Variants in DOCK10 observed in about 807,000 individuals in gnomAD.
The protein encoded by DOCK10 is dedicator of cytokinesis 10.
Under a neutral mutation model 280.1 loss-of-function variants are expected in DOCK10, and 145 were observed. That is an observed-to-expected ratio of 0.52 (90% CI 0.45 to 0.59). DOCK10 has a LOEUF of 0.59. DOCK10 is among the 20% of genes least tolerant of loss of function. The pLI is 0.00. For synonymous variants in DOCK10, 915 were observed against 942.2 expected (o/e 0.97, Z 0.53); for missense variants, 2,368 against 2,651.7 (o/e 0.89, Z 2.35).
chr2:224,802,967 A>G (rs374291979), intron 39 of DOCK10, among the ~76,000 whole-genome samples: 3 of 152,130 alleles, frequency 2.0e-5, no homozygotes, highest in African/African-American at 4.8e-5. Flanking sequence ...TTGGCTTTCA[A>G]TAGCCAGGGG....
intron 31 of DOCK10, among the ~76,000 whole-genome samples, chr2:224,810,466 C>A (rs115202642): frequency 0.016 from 2,422 of 151,618 alleles, 40 homozygotes; most frequent in South Asian, 0.037. Context: ...TATTTGAAAT[C>A]TATTTTTTTC....
intron 16 of DOCK10, 60 bp from the exon 17 acceptor site, chr2:224,853,182 A>G: frequency 1.4e-6 from 2 of 1,391,510 alleles, no homozygotes; most frequent in East Asian, 2.3e-5. Flanking sequence ...AGTGAACAAT[A>G]GTTAACATGT....
rs548554185 is a variant in DOCK10 at position 224,895,236 on chromosome 2, A to T, written c.416+1059T>A. Among the ~76,000 whole-genome samples the T allele has an allele frequency of 2.0e-5, 3 of 152,366 alleles. No individual in the cohort carries two copies. In the East Asian group the frequency reaches 5.8e-4, roughly 29 times the overall value. ...TGAGAGCAATGCTTCCAAGTATACA[A>T]GTCTTGAAAAGGTGCTTCTGGGGCC... is the stretch of plus-strand genomic sequence containing the variant. On this transcript the variant is annotated intron_variant, in intron 4 of 55. Coordinates refer to ENST00000258390, the MANE Select transcript of DOCK10 (RefSeq NM_014689.3).
At chr2:224,825,661 C>G (rs1442472922) in intron 27 of DOCK10, among the ~76,000 whole-genome samples, 1 of 152,242 alleles carries the variant, frequency 6.6e-6, no homozygotes, top group African/African-American at 2.4e-5. Flanking sequence ...ACCTTCCTCT[C>G]AAAGTCTCCT....
intron 1 of DOCK10, among the ~76,000 whole-genome samples, chr2:224,990,232 T>G (rs1233648127): frequency 6.6e-6 from 1 of 152,240 alleles, no homozygotes; most frequent in East Asian, 1.9e-4. Context: ...ATTAATAACT[T>G]ACCTTTCTCA....
Position 224,943,636 on chromosome 2 carries a change from C to T in DOCK10, c.124-11968G>A, listed in dbSNP as rs1354923. ...AAGAAGTTATTGCTTTCTTCTTTAACTTTAGGTCTCATCTTTATTTGTTGG... is the reference window on the plus strand; with the variant it reads ...AAGAAGTTATTGCTTTCTTCTTTAATTTTAGGTCTCATCTTTATTTGTTGG... On this transcript the variant is annotated intron_variant, in intron 1 of 55. Transcript: ENST00000258390. Among the ~76,000 whole-genome samples, 73 of 152,076 alleles carry T rather than the reference C, an allele frequency of 4.8e-4. 1 individual carries two copies. Among genetic ancestry groups the T allele is most frequent in the African/African-American group, 1.7e-3 (72 of 41,494 alleles).
Position 224,805,632 on chromosome 2 carries a change from C to T in DOCK10, c.3815-103G>A. 2.0e-6 allele frequency: 3 copies of T among 1,471,984 alleles called. No individual in the cohort carries two copies. Among genetic ancestry groups the T allele is most frequent in the Non-Finnish European group, 2.8e-6 (3 of 1,079,976 alleles). The allele number at this position is 1,471,984 out of a possible 1,614,324, so 91.2% of individuals were successfully genotyped here. A position where few individuals can be genotyped will look rare whatever the true frequency, so the allele number is the denominator to read the frequency against. ...CAAAAAGATGTTGATACTGAGGTAG[C>T]AGCAGTGTTGTCAAAGACCAACATA... On this transcript the variant is annotated intron_variant, in intron 34 of 55. Coordinates refer to ENST00000258390, the MANE Select transcript of DOCK10 (RefSeq NM_014689.3). This position sits in a 1 kb window ranked among gnomAD's most constrained non-coding sequence, Gnocchi z 4.3.
intron 11 of DOCK10, among the ~76,000 whole-genome samples, chr2:224,871,633 C>A (rs1476293652): frequency 6.6e-6 from 1 of 152,188 alleles, no homozygotes; most frequent in Non-Finnish European, 1.5e-5. Flanking sequence ...CTCCCTAACT[C>A]TTTTCAGTTC....
chr2:224,804,708 T>C (rs1693267099), intron 38 of DOCK10, 86 bp downstream of exon 38: 2 of 883,372 alleles, frequency 2.3e-6, no homozygotes, highest in African/African-American at 1.8e-5. Context: ...TTCTAATATA[T>C]ATTTGTAACT....
intron 1 of DOCK10, among the ~76,000 whole-genome samples, chr2:225,011,303 C>T (rs648508): frequency 0.44 from 67,629 of 152,034 alleles, 16,206 homozygotes; most frequent in South Asian, 0.6. Context: ...GATAGAAGCA[C>T]ATATTTGCCA....
intron 16 of DOCK10, among the ~76,000 whole-genome samples, chr2:224,853,648 T>C (rs930248312): frequency 7.2e-5 from 11 of 152,240 alleles, no homozygotes; most frequent in South Asian, 2.1e-4. Flanking sequence ...ATACGGTTTA[T>C]TTATTTTTCT....
intron 50 of DOCK10, among the ~76,000 whole-genome samples, chr2:224,778,600 C>T (rs1043938199): frequency 7.2e-5 from 11 of 152,048 alleles, no homozygotes; most frequent in African/African-American, 1.9e-4. Flanking sequence ...GGAAGAATGC[C>T]CTCTTGTGGC....
At chr2:224,972,332 C>T (rs1203265447) in intron 1 of DOCK10, among the ~76,000 whole-genome samples, 2 of 152,292 alleles carry the variant, frequency 1.3e-5, no homozygotes, top group African/African-American at 4.8e-5. Flanking sequence ...TACCCAGTGA[C>T]CAATATTAAG....
intron 27 of DOCK10, among the ~76,000 whole-genome samples, chr2:224,829,861 G>A (rs942629502): frequency 4.6e-5 from 7 of 152,124 alleles, no homozygotes; most frequent in African/African-American, 1.7e-4. Flanking sequence ...ATTCCATCAG[G>A]GTCCCTCTTC....
At position 224,814,355 on chromosome 2, in the gene DOCK10, G is replaced by A. The variant is rs765556812; in HGVS notation, c.3374C>T (p.Thr1125Ile). The A allele has an allele frequency of 6.5e-7, 1 of 1,529,114 alleles. No individual in the cohort carries two copies. The highest frequency in any genetic ancestry group is 1.2e-5 in the South Asian group (1 of 80,412). 94.7% of individuals were successfully genotyped at this position (1,529,114 alleles called of 1,614,324 possible). A position where few individuals can be genotyped will look rare whatever the true frequency, so the allele number is the denominator to read the frequency against. ...IRSANIPDPL[T>I]PSESTQELHA... ...TAACTCTTGAGTCGATTCTGAAGGT[G>A]TCAAAGGATCTGAATTTAATATAAA... The change falls in exon 31 of 56, where the codon ACA (threonine) becomes ATA (isoleucine). Residue 1125 changes from threonine (T) to isoleucine (I), a missense_variant. Transcript: ENST00000258390.
intron 1 of DOCK10, among the ~76,000 whole-genome samples, chr2:224,962,759 C>T (rs781349408): frequency 2.0e-5 from 3 of 152,150 alleles, no homozygotes; most frequent in Non-Finnish European, 4.4e-5. Context: ...TCATTTTCCA[C>T]TCATATCAGC....
intron 3 of DOCK10, among the ~76,000 whole-genome samples, chr2:224,904,658 C>G (rs1407513153): frequency 6.6e-6 from 1 of 152,132 alleles, no homozygotes; most frequent in Non-Finnish European, 1.5e-5. Context: ...ATGCAACCCA[C>G]TCTCCCAAAT....
chr2:224,995,735 T>C lies in DOCK10; in HGVS notation c.123+46517A>G, dbSNP rs188631925. On this transcript the variant is annotated intron_variant, in intron 1 of 55. Transcript: ENST00000258390. ...TGCAAATCTCGGTACATTCCCTTGT[T>C]TTCAGGATGTGGAAAGTGATAGCTG... Among the ~76,000 whole-genome samples, 213 of 152,338 alleles carry C rather than the reference T, an allele frequency of 1.4e-3. 1 individual carries two copies. Among genetic ancestry groups the C allele is most frequent in the African/African-American group, 4.9e-3 (205 of 41,566 alleles).
In DOCK10 at chr2:224,807,891, G is replaced by C; in HGVS notation, c.3585+20C>G. On this transcript the variant is annotated intron_variant, in intron 32 of 55. Coordinates refer to ENST00000258390, the MANE Select transcript of DOCK10 (RefSeq NM_014689.3). ...GCCATTAAATGGTGTTTAGGGAAGG[G>C]AGAAAGGAAGATCACTTACTGGCTC... 2.5e-6 allele frequency: 4 copies of C among 1,605,048 alleles called. No individual in the cohort carries two copies. The highest frequency in any genetic ancestry group is 3.4e-6 in the Non-Finnish European group (4 of 1,173,444).
Sources: allele counts gnomAD v4.1 joint callset (sites outside exome capture counted in the v4.1 genomes callset), GRCh38; gene constraint gnomAD v4.1.1; non-coding constraint Gnocchi (gnomAD v3.1); transcripts MANE v1.5; gene names NCBI Gene and HGNC (gene_info 2026-07-23, HGNC 2026-07-21).